The following ACLY variants were observed in gnomAD, a reference collection of about 807,000 sequenced individuals.
ACLY encodes ATP-citrate synthase.
A neutral mutation model predicts 133.0 loss-of-function variants in ACLY; 41 were observed. The observed-to-expected ratio is 0.31, with a 90% CI of 0.24 to 0.40. The LOEUF is 0.40. Ranked by LOEUF, ACLY falls within the 10% of genes least tolerant of loss-of-function variation. The pLI is 1.00. For synonymous variants in ACLY, 495 were observed against 549.3 expected (o/e 0.90, Z 1.38); for missense variants, 1,046 against 1,453.8 (o/e 0.72, Z 4.56).
rs577036974 is a variant in ACLY, at chr17:41,895,988, C to A, written c.1459+632G>T. Among the ~76,000 whole-genome samples, 19 of 152,304 alleles carry A rather than the reference C, an allele frequency of 1.2e-4. No individual in the cohort carries two copies. In the East Asian group the frequency reaches 3.7e-3, roughly 29 times the overall value. Reference sequence around the variant, plus strand: ...ATGTGACCTCATACACCAGACAAAGCTCATACCCCTTCCAATTACCCAGTC... The same window carrying A: ...ATGTGACCTCATACACCAGACAAAGATCATACCCCTTCCAATTACCCAGTC... On this transcript the variant is annotated intron_variant, in intron 14 of 28. Coordinates refer to ENST00000352035, the MANE Select transcript of ACLY (RefSeq NM_001096.3).
At chr17:41,918,334 C>T (rs2050111298) in intron 1 of ACLY, among the ~76,000 whole-genome samples, 2 of 152,226 alleles carry the variant, frequency 1.3e-5, no homozygotes, top group South Asian at 4.1e-4. Flanking sequence ...CCTGGCCCCG[C>T]GTGGCCCGCC....
At chr17:41,887,219 A>G (rs1350339652) in intron 17 of ACLY, among the ~76,000 whole-genome samples, 1 of 150,474 alleles carries the variant, frequency 6.6e-6, no homozygotes, top group African/African-American at 2.4e-5. Flanking sequence ...TGGGTGGATC[A>G]CCCGATGTCA....
chr17:41,927,091 C>T (rs1555636062), intron 1 of ACLY, among the ~76,000 whole-genome samples: 1 of 152,186 alleles, frequency 6.6e-6, no homozygotes, highest in East Asian at 1.9e-4. Context: ...TGGTCTTGAA[C>T]TCCCGAACTC....
chr17:41,887,989 ATGG>A (rs1255114998), intron 16 of ACLY, among the ~76,000 whole-genome samples: 25 of 151,900 alleles, frequency 1.6e-4, no homozygotes, highest in African/African-American at 6.0e-4. Context: ...TTAGCTGGGT[ATGG>A]TGGTGCGCGC....
intron 19 of ACLY, 117 bp from the exon 20 acceptor site, chr17:41,883,349 G>A: frequency 1.3e-6 from 1 of 766,494 alleles, no homozygotes; most frequent in Non-Finnish European, 2.1e-6. Context: ...TTTAATTTCA[G>A]CCTGGACACA....
intron 14 of ACLY, among the ~76,000 whole-genome samples, chr17:41,896,382 G>A (rs2049366102): frequency 6.6e-6 from 1 of 152,110 alleles, no homozygotes; most frequent in South Asian, 2.1e-4. Flanking sequence ...CCCAAGCTTG[G>A]AGCCAGAAAC....
chr17:41,879,685 A>AAAAAAAAAAAAAAG (rs1597981614), intron 20 of ACLY, among the ~76,000 whole-genome samples: 2 of 127,248 alleles, frequency 1.6e-5, no homozygotes, highest in Non-Finnish European at 3.3e-5. Context: ...AAAAAAAAAA[A>AAAAAAAAAAAAAAG]AAGAAGTGCT....
chr17:41,871,351 C>CTTT (rs550568825), intron 25 of ACLY, among the ~76,000 whole-genome samples: 2 of 139,224 alleles, frequency 1.4e-5, no homozygotes, highest in South Asian at 2.3e-4. Context: ...ATCCATCCCA[C>CTTT]TTTTTTTTTT....
chr17:41,878,528 C>A (rs12452032), intron 21 of ACLY, among the ~76,000 whole-genome samples: 137,483 of 152,042 alleles, frequency 0.9, 62,294 homozygotes, highest in East Asian at 1. Flanking sequence ...TTTCATGTGG[C>A]GCTCTCATCT....
chr17:41,887,430 T>C (rs2049083985), intron 17 of ACLY, among the ~76,000 whole-genome samples, 169 bp downstream of exon 17: 1 of 152,062 alleles, frequency 6.6e-6, no homozygotes, highest in Admixed American at 6.6e-5. Context: ...GCAGTGAGGC[T>C]GTGTCTCAAA....
At chr17:41,914,583 C>G (rs891808679) in intron 1 of ACLY, among the ~76,000 whole-genome samples, 4 of 152,196 alleles carry the variant, frequency 2.6e-5, no homozygotes, top group African/African-American at 7.2e-5. Context: ...CCTCCCAATC[C>G]TGAGTATGGA....
chr17:41,920,498 T>C (rs1170569679), upstream of ACLY, among the ~76,000 whole-genome samples: 2 of 146,436 alleles, frequency 1.4e-5, no homozygotes, highest in African/African-American at 5.1e-5. Context: ...GGTTGAGGCA[T>C]GAGAATCGCT....
At position 41,909,581 on chromosome 17, in the gene ACLY, G is replaced by A. The variant is rs387907384; in HGVS notation, c.465C>T (p.Gly155=). The change falls in exon 5 of 29, where the codon GGC becomes GGT. Residue 155 remains glycine (G), a synonymous_variant. Coordinates refer to ENST00000352035, the MANE Select transcript of ACLY (RefSeq NM_001096.3). ...VDAKAQKLLV[G]VDEKLNPEDI... is the part of the protein sequence containing the mutation. ...CCTCAGGATTCAGTTTCTCATCCAC[G>A]CCAACAAGCAGCTTCTGGGCCTTGG... 10 of 1,613,956 alleles carry A rather than the reference G, an allele frequency of 6.2e-6. No homozygotes were observed. Among genetic ancestry groups the A allele is most frequent in the East Asian group, 4.5e-5 (2 of 44,890 alleles).
rs1039946007 is a variant in ACLY, at chr17:41,928,593, T to C, written c.-28+1765A>G. Among the ~76,000 whole-genome samples the C allele has an allele frequency of 2.4e-4, 36 of 151,238 alleles. 1 individual carries two copies. The highest frequency in any genetic ancestry group is 1.0e-4 in the Non-Finnish European group (7 of 67,916). ...GGGGCCAGGCACAGTGGCTCATGCC[T>C]GTAATCCCAGCACTTTGAGAGGCTG... is the stretch of plus-strand genomic sequence containing the variant. On this transcript the variant is annotated intron_variant, in intron 1 of 3. Transcript: ENST00000592970.
At chr17:41,887,540 G>A in intron 17 of ACLY, 59 bp downstream of exon 17, 1 of 1,410,394 alleles carries the variant, frequency 7.1e-7, no homozygotes, top group Non-Finnish European at 1.0e-6. Flanking sequence ...ACTTCCTAAG[G>A]GCATTGAACT....
At chr17:41,897,894 G>A (rs539191446) in intron 12 of ACLY, 55 bp from the exon 13 acceptor site, 14 of 1,512,318 alleles carry the variant, frequency 9.3e-6, no homozygotes, top group South Asian at 8.5e-5. Flanking sequence ...TGGGAAAAAA[G>A]CCACTGGTCC....
In ACLY at chr17:41,896,669, A is replaced by C; in HGVS notation, c.1430-20T>G. On this transcript the variant is annotated intron_variant, in intron 13 of 28. Transcript: ENST00000352035. ...CTGAATCTGTCAAAGAAAATGACCAAGGCAACTGAGTGACCCACTGATGGC... is the reference window on the plus strand; with the variant it reads ...CTGAATCTGTCAAAGAAAATGACCACGGCAACTGAGTGACCCACTGATGGC... 1 of 1,565,814 alleles carries C rather than the reference A, an allele frequency of 6.4e-7. No individual in the cohort carries two copies. Among genetic ancestry groups the C allele is most frequent in the Non-Finnish European group, 8.7e-7 (1 of 1,153,680 alleles).
At chr17:41,890,655 T>A (rs1323611496) in intron 16 of ACLY, among the ~76,000 whole-genome samples, 16 of 151,222 alleles carry the variant, frequency 1.1e-4, no homozygotes, top group Admixed American at 1.1e-3. Flanking sequence ...ACCATTGCAC[T>A]CCAGCCTGGG....
chr17:41,868,985 G>T, intron 27 of ACLY, 58 bp downstream of exon 27: 2 of 1,473,832 alleles, frequency 1.4e-6, no homozygotes, highest in Non-Finnish European at 9.4e-7. Context: ...TTTATAGTTT[G>T]GAGGAAACAA....
Sources: gnomAD v4.1 joint callset for allele counts (sites outside exome capture counted in the v4.1 genomes callset) on GRCh38, gnomAD v4.1.1 for gene constraint, MANE v1.5 for transcripts, NCBI Gene and HGNC (gene_info 2026-07-23, HGNC 2026-07-21) for gene names.